The following DHRS12 variants were observed in gnomAD, a reference collection of about 807,000 sequenced individuals.
DHRS12 encodes the protein dehydrogenase/reductase 12.
A neutral mutation model predicts 32.1 loss-of-function variants in DHRS12; 29 were observed. The observed-to-expected ratio is 0.90, with a 90% CI of 0.67 to 1.23. The LOEUF (loss-of-function observed/expected upper bound fraction) is 1.23, where lower values mean the gene tolerates loss of function less well. DHRS12 is among the 50% of genes most tolerant of loss of function. The probability of loss-of-function intolerance (pLI) is 0.00; values close to 1 mark genes in which losing one functional copy is unlikely to be tolerated. For missense variants in DHRS12, 330 were observed against 337.2 expected (o/e 0.98, Z 0.17); for synonymous variants, 150 against 135.9 (o/e 1.10, Z -0.72).
chr13:51,785,423 T>C (rs1397989389), intron 4 of DHRS12, among the ~76,000 whole-genome samples: 1 of 152,200 alleles, frequency 6.6e-6, no homozygotes, highest in Non-Finnish European at 1.5e-5. Flanking sequence ...AGAAGTACAC[T>C]TCTCTGATTC....
At chr13:51,799,809 C>T in intron 1 of DHRS12, 142 bp from the exon 2 acceptor site, 1 of 924,732 alleles carries the variant, frequency 1.1e-6, no homozygotes, top group South Asian at 1.8e-5. Flanking sequence ...TCTCCCTTGC[C>T]CTCCCTGCTC....
intron 4 of DHRS12, 54 bp from the exon 5 acceptor site, chr13:51,777,175 G>T (rs927346366): frequency 8.7e-6 from 14 of 1,603,628 alleles, no homozygotes; most frequent in Middle Eastern, 1.7e-4. Context: ...CCAACTCAAG[G>T]GGTCCTGCAG....
chr13:51,804,123 C>T lies in DHRS12; in HGVS notation c.-78G>A. 6.8e-7 allele frequency: 1 copy of T among 1,475,150 alleles called. No individual in the cohort carries two copies. Among genetic ancestry groups the T allele is most frequent in the Non-Finnish European group, 8.9e-7 (1 of 1,117,564 alleles). 91.4% of individuals were successfully genotyped at this position (1,475,150 alleles called of 1,614,324 possible). A position where few individuals can be genotyped will look rare whatever the true frequency, so the allele number is the denominator to read the frequency against. ...GTACAGGGACATGCCGGGAGCGCCCCACGCCTAGCCCCACCGCGCTCCCGG... is the reference window on the plus strand; with the variant it reads ...GTACAGGGACATGCCGGGAGCGCCCTACGCCTAGCCCCACCGCGCTCCCGG... On this transcript the variant is annotated 5_prime_UTR_variant, in exon 1 of 9. Coordinates refer to ENST00000444610, the MANE Select transcript of DHRS12 (RefSeq NM_001377533.1).
chr13:51,780,823 A>C (rs1047827927), intron 4 of DHRS12, among the ~76,000 whole-genome samples: 8 of 152,356 alleles, frequency 5.3e-5, no homozygotes, highest in African/African-American at 1.7e-4. Context: ...ATATATCTTG[A>C]GTATGACATT....
chr13:51,799,691 A>G (rs766589517), intron 1 of DHRS12, 24 bp from the exon 2 acceptor site: 2 of 1,611,774 alleles, frequency 1.2e-6, no homozygotes, highest in African/African-American at 2.7e-5. Context: ...ACCCACAGGA[A>G]GACCAGCTGT....
chr13:51,773,303 G>A (rs7985214), intron 6 of DHRS12, among the ~76,000 whole-genome samples: 22,872 of 152,062 alleles, frequency 0.15, 2,454 homozygotes, highest in African/African-American at 0.28. Context: ...GCCTGAAGGG[G>A]ATTTTATACA....
chr13:51,770,738 G>A (rs972484255), intron 7 of DHRS12: 42 of 999,510 alleles, frequency 4.2e-5, no homozygotes, highest in Admixed American at 5.2e-5. Context: ...TTTCTATAGG[G>A]GTGTGGTAGT....
chr13:51,788,639 G>A, intron 4 of DHRS12, among the ~76,000 whole-genome samples: 1 of 152,042 alleles, frequency 6.6e-6, no homozygotes, highest in South Asian at 2.1e-4. Flanking sequence ...GAGGCCAAGA[G>A]TTTGAGACTA....
At chr13:51,796,412 G>A (rs943505163) in intron 2 of DHRS12, among the ~76,000 whole-genome samples, 1 of 152,160 alleles carries the variant, frequency 6.6e-6, no homozygotes, top group African/African-American at 2.4e-5. Context: ...AGCAGTGAAT[G>A]TCCTGTGTGT....
Position 51,799,576 on chromosome 13 carries a change from T to C in DHRS12, c.84A>G (p.Thr28=), listed in dbSNP as rs781724401. 1.2e-6 allele frequency: 2 copies of C among 1,614,138 alleles called. No individual in the cohort carries two copies. The highest frequency in any genetic ancestry group is 2.2e-5 in the South Asian group (2 of 91,084). Residue 28 remains threonine (T), a synonymous_variant, in exon 2 of 9, where the codon ACA becomes ACG. Transcript: ENST00000444610. ...LEESFWSLEE[T]AALAKQLPLK... The stretch of plus-strand genomic sequence containing the variant: ...AGGGCAGTTGCTTTGCCAATGCCGC[T>C]GTTTCCTCCAGTGACCAAAAAGACT...
chr13:51,772,251 GCTCA>G (rs975831501), intron 6 of DHRS12, among the ~76,000 whole-genome samples: 63 of 152,262 alleles, frequency 4.1e-4, no homozygotes, highest in African/African-American at 1.4e-3. Context: ...ATTCTTTGCT[GCTCA>G]CTGAGGGCAG....
chr13:51,774,218 CTACAG>C (rs1482769024), intron 5 of DHRS12, 184 bp from the exon 6 acceptor site: 1 of 578,160 alleles, frequency 1.7e-6, no homozygotes, highest in South Asian at 2.0e-5. Flanking sequence ...ATGTATTCTC[CTACAG>C]TACATGTATT....
chr13:51,789,663 C>G (rs1955169902), intron 4 of DHRS12: 1 of 985,354 alleles, frequency 1.0e-6, no homozygotes, highest in African/African-American at 1.7e-5. Flanking sequence ...TTGCACCTTC[C>G]TCAGCCCTGG....
chr13:51,777,535 T>C (rs1044683046), intron 4 of DHRS12, among the ~76,000 whole-genome samples: 3 of 152,248 alleles, frequency 2.0e-5, no homozygotes, highest in Non-Finnish European at 4.4e-5. Context: ...TCCTTTGCTA[T>C]ACATTTCTGC....
chr13:51,757,462 A>AG, the DHRS12 span, among the ~76,000 whole-genome samples: 2 of 94,938 alleles, frequency 2.1e-5, no homozygotes, highest in Admixed American at 2.5e-4. Context: ...AAAAGGAAAA[A>AG]AAAAAATTGT....
chr13:51,804,071 C>A lies in DHRS12; in HGVS notation c.-26G>T, dbSNP rs1439835232. The A allele has an allele frequency of 1.3e-6, 2 of 1,492,648 alleles. No individual in the cohort carries two copies. Among genetic ancestry groups the A allele is most frequent in the Middle Eastern group, 1.9e-4 (1 of 5,376 alleles). 92.5% of individuals were successfully genotyped at this position (1,492,648 alleles called of 1,614,324 possible). On this transcript the variant is annotated 5_prime_UTR_variant, in exon 1 of 9. Coordinates refer to ENST00000444610, the MANE Select transcript of DHRS12 (RefSeq NM_001377533.1). ...CGCCTTACTTGGTGTACTCGCGCAG[C>A]CCCTTGGCGAACCACACGACGCTGC... is the stretch of plus-strand genomic sequence containing the variant.
At chr13:51,791,044 T>G in intron 3 of DHRS12, 121 bp downstream of exon 3, 1 of 603,342 alleles carries the variant, frequency 1.7e-6, no homozygotes, top group Non-Finnish European at 2.7e-6. Flanking sequence ...GGCCCAAGCA[T>G]AAGAGAGTCT....
Position 51,769,259 on chromosome 13 carries a change from C to T in DHRS12, c.594G>A (p.Arg198=). 2 of 1,589,350 alleles carry T rather than the reference C, an allele frequency of 1.3e-6. No homozygotes were observed. The highest frequency in any genetic ancestry group is 1.7e-6 in the Non-Finnish European group (2 of 1,168,016). Residue 198 remains arginine (R), a synonymous_variant, in exon 8 of 9, where the codon AGG becomes AGA. Coordinates refer to ENST00000444610, the MANE Select transcript of DHRS12 (RefSeq NM_001377533.1). ...CCTCGGAGCGCAGGCGGTCCCCGAA[C>T]CTGGCGTGGAACCCCGGCATCGCCT... ...VRQAMPGFHA[R]FGDRLRSEAQ...
intron 1 of DHRS12, among the ~76,000 whole-genome samples, chr13:51,801,936 C>T (rs1033461080): frequency 2.0e-5 from 3 of 152,120 alleles, no homozygotes; most frequent in African/African-American, 7.2e-5. Context: ...CTGGGTTGAA[C>T]CTCTTCCTCA....
Sources: allele counts gnomAD v4.1 joint callset (sites outside exome capture counted in the v4.1 genomes callset), GRCh38; gene constraint gnomAD v4.1.1; transcripts MANE v1.5; gene names NCBI Gene and HGNC (gene_info 2026-07-23, HGNC 2026-07-21).